The following BCL7B variants were observed in gnomAD, a reference collection of about 807,000 sequenced individuals.
BCL7B encodes the protein B-cell CLL/lymphoma 7 protein family member B.
BCL7B carries 11 observed loss-of-function variants against 26.5 expected under a neutral mutation model. That is an observed-to-expected ratio of 0.42 (90% CI 0.26 to 0.69). BCL7B has a LOEUF of 0.69. BCL7B is among the 30% of genes least tolerant of loss of function. BCL7B has a pLI of 0.28. For missense variants in BCL7B, 215 were observed against 264.4 expected, an observed-to-expected ratio of 0.81 and a Z score of 1.30; for synonymous variants, 111 against 107.9, an observed-to-expected ratio of 1.03 and a Z score of -0.18.
In BCL7B at chr7:73,557,601, G is replaced by A. The variant is rs1426684979; in HGVS notation, c.-23C>T. On this transcript the variant is annotated 5_prime_UTR_variant, in exon 1 of 6. Coordinates refer to ENST00000223368, the MANE Select transcript of BCL7B (RefSeq NM_001707.4). The stretch of plus-strand genomic sequence containing the variant: ...CATGGCGGCGGCGGGAGCGGCGGGG[G>A]CCGGGGCACTGCTCCCAAGACACCG... 6.4e-6 allele frequency: 8 copies of A among 1,259,012 alleles called. No homozygotes were observed. Among genetic ancestry groups the A allele is most frequent in the African/African-American group, 4.7e-5 (3 of 63,494 alleles). 78.0% of individuals were successfully genotyped at this position (1,259,012 alleles called of 1,614,324 possible). A position where few individuals can be genotyped will look rare whatever the true frequency, so the allele number is the denominator to read the frequency against.
rs948766609 is a variant in BCL7B, at chr7:73,538,706, C to A, written c.437-693G>T. The stretch of plus-strand genomic sequence containing the variant: ...GCAAAGGCTTACAGTCCTACTACTA[C>A]GGAGTCTGAGGCAAGAGGATCACTT... On this transcript the variant is annotated intron_variant, in intron 4 of 5. Transcript: ENST00000223368. Among the ~76,000 whole-genome samples the A allele has an allele frequency of 3.3e-5, 5 of 150,338 alleles. No individual in the cohort carries two copies. In the Admixed American group the frequency reaches 3.4e-4, roughly 10 times the overall value.
chr7:73,554,086 G>A (rs537036562), intron 1 of BCL7B, among the ~76,000 whole-genome samples: 19 of 150,676 alleles, frequency 1.3e-4, no homozygotes, highest in African/African-American at 4.1e-4. Context: ...TCCCATCTCA[G>A]CCTCCCAAGT....
chr7:73,543,861 G>C, intron 2 of BCL7B: 1 of 497,830 alleles, frequency 2.0e-6, no homozygotes, highest in South Asian at 2.1e-5. Flanking sequence ...CAGGAATACT[G>C]TGAATCATAA....
At chr7:73,540,833 A>C in intron 3 of BCL7B, among the ~76,000 whole-genome samples, 1 of 121,824 alleles carries the variant, frequency 8.2e-6, no homozygotes, top group Non-Finnish European at 1.8e-5. Context: ...CTGTCTCAAA[A>C]AAAAAAAAAA....
chr7:73,550,638 T>C (rs186335930), intron 2 of BCL7B, among the ~76,000 whole-genome samples: 1 of 33,078 alleles, frequency 3.0e-5, no homozygotes, highest in Non-Finnish European at 4.7e-5. Flanking sequence ...TACATATTTT[T>C]TTTTTGTTTT....
Position 73,557,584 on chromosome 7 carries a change from C to T in BCL7B, c.-6G>A. Reference sequence around the variant, plus strand: ...CGGACCGACCGGCCCGACATGGCGGCGGCGGGAGCGGCGGGGGCCGGGGCA... The same window carrying T: ...CGGACCGACCGGCCCGACATGGCGGTGGCGGGAGCGGCGGGGGCCGGGGCA... On this transcript the variant is annotated 5_prime_UTR_variant, in exon 1 of 6. Coordinates refer to ENST00000223368, the MANE Select transcript of BCL7B (RefSeq NM_001707.4). 2.3e-6 allele frequency: 3 copies of T among 1,291,516 alleles called. No individual in the cohort carries two copies. The highest frequency in any genetic ancestry group is 9.9e-7 in the Non-Finnish European group (1 of 1,005,728). 80.0% of individuals were successfully genotyped at this position (1,291,516 alleles called of 1,614,324 possible). A position where few individuals can be genotyped will look rare whatever the true frequency, so the allele number is the denominator to read the frequency against.
At position 73,539,754 on chromosome 7, in the gene BCL7B, C is replaced by T. The variant is rs1791683248; in HGVS notation, c.436+128G>A. Reference sequence around the variant, plus strand: ...GAAACTATAATCATTCCTAAGCTATCGAGAAAGGGCTTGGTGCTGCCTGGC... The same window carrying T: ...GAAACTATAATCATTCCTAAGCTATTGAGAAAGGGCTTGGTGCTGCCTGGC... On this transcript the variant is annotated intron_variant, in intron 4 of 5. Coordinates refer to ENST00000223368, the MANE Select transcript of BCL7B (RefSeq NM_001707.4). The T allele has an allele frequency of 6.4e-6, 7 of 1,088,930 alleles. No homozygotes were observed. The East Asian group carries it at 1.0e-4, about 16-fold the overall frequency. The allele number at this position is 1,088,930 out of a possible 1,614,324, so 67.5% of individuals were successfully genotyped here.
intron 2 of BCL7B, among the ~76,000 whole-genome samples, chr7:73,548,907 T>C (rs143584923): frequency 1.6e-3 from 245 of 151,966 alleles, no homozygotes; most frequent in African/African-American, 5.6e-3. Flanking sequence ...TCCAGCCTAG[T>C]CAAGAGAAGC....
Position 73,537,217 on chromosome 7 carries a change from C to G in BCL7B, c.*81G>C. On this transcript the variant is annotated 3_prime_UTR_variant, in exon 6 of 6. Transcript: ENST00000223368. ...CAGGCTCTTGACCCCAGTGCTTGCC[C>G]TTACCCCAGCAACGCGGCGCGGCCA... The G allele has an allele frequency of 7.0e-7, 1 of 1,433,556 alleles. No homozygotes were observed. Among genetic ancestry groups the G allele is most frequent in the Non-Finnish European group, 9.8e-7 (1 of 1,025,444 alleles). The allele number at this position is 1,433,556 out of a possible 1,614,324, so 88.8% of individuals were successfully genotyped here.
chr7:73,546,670 A>G (rs1233515157), intron 2 of BCL7B, among the ~76,000 whole-genome samples: 1 of 151,940 alleles, frequency 6.6e-6, no homozygotes, highest in Non-Finnish European at 1.5e-5. Flanking sequence ...TCTGTCTCAA[A>G]AAAAAAAAAA....
chr7:73,554,618 T>C (rs1792294648), intron 1 of BCL7B, among the ~76,000 whole-genome samples: 1 of 151,246 alleles, frequency 6.6e-6, no homozygotes. Flanking sequence ...GGCAATATGG[T>C]GAAATCCTGT....
chr7:73,540,188 C>T, intron 3 of BCL7B, 136 bp from the exon 4 acceptor site: 1 of 899,054 alleles, frequency 1.1e-6, no homozygotes, highest in Non-Finnish European at 1.7e-6. Context: ...TTGTGCCCGG[C>T]CTACACGACA....
chr7:73,552,197 A>T lies in BCL7B; in HGVS notation c.138T>A (p.Phe46Leu). 3 of 1,610,514 alleles carry T rather than the reference A, an allele frequency of 1.9e-6. No individual in the cohort carries two copies. Among genetic ancestry groups the T allele is most frequent in the Non-Finnish European group, 2.5e-6 (3 of 1,179,084 alleles). The change falls in exon 2 of 6, where the codon TTT becomes TTA. Residue 46 changes from phenylalanine (F) to leucine (L), a missense_variant. Coordinates refer to ENST00000223368, the MANE Select transcript of BCL7B (RefSeq NM_001707.4). ...TGCTGTCTGTCACAGGAACCCACTT[A>T]AATATCCTCAGGGACGTGTCACCCA... ...VTVGDTSLRI[F>L]KWVPVTDSKE...
At chr7:73,548,371 T>C (rs1792033669) in intron 2 of BCL7B, among the ~76,000 whole-genome samples, 1 of 152,006 alleles carries the variant, frequency 6.6e-6, no homozygotes, top group Non-Finnish European at 1.5e-5. Context: ...GAGGTTGCAG[T>C]GAGCTTAGAT....
In BCL7B at chr7:73,557,595, G is replaced by T; in HGVS notation, c.-17C>A. 1 of 1,277,450 alleles carries T rather than the reference G, an allele frequency of 7.8e-7. No homozygotes were observed. The highest frequency in any genetic ancestry group is 2.3e-5 in the South Asian group (1 of 43,608). 79.1% of individuals were successfully genotyped at this position (1,277,450 alleles called of 1,614,324 possible). A position where few individuals can be genotyped will look rare whatever the true frequency, so the allele number is the denominator to read the frequency against. On this transcript the variant is annotated 5_prime_UTR_variant, in exon 1 of 6. Transcript: ENST00000223368. ...GCCCGACATGGCGGCGGCGGGAGCG[G>T]CGGGGGCCGGGGCACTGCTCCCAAG...
Position 73,552,181 on chromosome 7 carries a change from T to C in BCL7B, c.154A>G (p.Thr52Ala). 1 of 1,610,198 alleles carries C rather than the reference T, an allele frequency of 6.2e-7. No homozygotes were observed. The highest frequency in any genetic ancestry group is 2.2e-5 in the East Asian group (1 of 44,854). The stretch of plus-strand genomic sequence containing the variant: ...TCCACACTTACCTCCTTGCTGTCTG[T>C]CACAGGAACCCACTTAAATATCCTC... ...SLRIFKWVPV[T>A]DSKEKEKSKS... Residue 52 changes from threonine (T) to alanine (A), a missense_variant, in exon 2 of 6, where the codon ACA becomes GCA. Transcript: ENST00000223368.
rs782246562 is a variant in BCL7B at position 73,537,387 on chromosome 7, C to T, written c.520G>A (p.Val174Ile). 1.3e-5 allele frequency: 21 copies of T among 1,613,904 alleles called. No homozygotes were observed. The highest frequency in any genetic ancestry group is 3.3e-5 in the South Asian group (3 of 91,076). ...GCACCTGAGTCTTCCTCTTCCTCAACGACCTAGGAGCAGGCAGAGCATGGA... is the reference window on the plus strand; with the variant it reads ...GCACCTGAGTCTTCCTCTTCCTCAATGACCTAGGAGCAGGCAGAGCATGGA... ...EEPVPLETQV[V>I]EEEEDSGAPP... Residue 174 changes from valine to isoleucine, a missense_variant, in exon 6 of 6, where the codon GTT becomes ATT. Val to Ile is a conservative substitution (Grantham distance 29). Transcript: ENST00000223368.
At position 73,541,072 on chromosome 7, in the gene BCL7B, G is replaced by A. The variant is rs1046491918; in HGVS notation, c.266-1020C>T. 2.0e-4 allele frequency among the ~76,000 whole-genome samples: 31 copies of A among 152,064 alleles called. No individual in the cohort carries two copies. The South Asian group carries it at 4.1e-3, about 20-fold the overall frequency. On this transcript the variant is annotated intron_variant, in intron 3 of 5. Transcript: ENST00000223368. ...TGAGGCAGGAAAATCGCTTGAACCC[G>A]GGAGGTGGAGGTTGCAGTGAGCTGA...
intron 3 of BCL7B, 177 bp from the exon 4 acceptor site, chr7:73,540,229 C>A: frequency 1.5e-6 from 1 of 650,356 alleles, no homozygotes; most frequent in Non-Finnish European, 2.6e-6. Context: ...CAGCCAGAAT[C>A]TTTATGTTTA....
Sources: allele counts gnomAD v4.1 joint callset (sites outside exome capture counted in the v4.1 genomes callset), GRCh38; gene constraint gnomAD v4.1.1; transcripts MANE v1.5; gene names NCBI Gene and HGNC (gene_info 2026-07-23, HGNC 2026-07-21).